ZNF219: variants seen among roughly 807,000 people sequenced by gnomAD.
The protein encoded by ZNF219 is zinc finger protein 219.
Under a neutral mutation model 54.4 loss-of-function variants are expected in ZNF219, and 17 were observed. The observed-to-expected ratio is 0.31, with a 90% CI of 0.21 to 0.47. The LOEUF is 0.47. Ranked by LOEUF, ZNF219 falls within the 20% of genes least tolerant of loss-of-function variation. The pLI, the probability that ZNF219 is intolerant of heterozygous loss-of-function variation, is 1.00. For missense variants in ZNF219, 1,014 were observed against 1,062.3 expected, an observed-to-expected ratio of 0.95 and a Z score of 0.63; for synonymous variants, 518 against 476.4, an observed-to-expected ratio of 1.09 and a Z score of -1.14.
chr14:21,101,863 A>G (rs1176180264), upstream of ZNF219: 2 of 1,551,242 alleles, frequency 1.3e-6, no homozygotes, highest in Non-Finnish European at 8.7e-7. Flanking sequence ...CCTTACCCCC[A>G]GGTGAGCCAG....
intron 1 of ZNF219, among the ~76,000 whole-genome samples, chr14:21,096,195 A>G (rs1284175975): frequency 1.3e-5 from 2 of 152,226 alleles, no homozygotes; most frequent in Non-Finnish European, 2.9e-5. Flanking sequence ...GAAGAGTCAG[A>G]AAAGGGCAAA....
At position 21,090,955 on chromosome 14, in the gene ZNF219, G is replaced by C. The variant is rs1888808805; in HGVS notation, c.1750C>G (p.Pro584Ala). Residue 584 changes from proline (P) to alanine (A), a missense_variant, in exon 5 of 5, where the codon CCT becomes GCT. Transcript: ENST00000360947. The surrounding 1 kb of genome is among the most constrained non-coding windows in gnomAD (Gnocchi z 4.4). ...PQSGAKPSPQ[P>A]ATWVEGASSP... ...GAGGCGCCCTCCACCCAGGTCGCAG[G>C]CTGCGGAGACGGCTTGGCTCCAGAT... The C allele has an allele frequency of 1.3e-6, 2 of 1,550,760 alleles. No homozygotes were observed. Among genetic ancestry groups the C allele is most frequent in the African/African-American group, 1.4e-5 (1 of 73,594 alleles).
chr14:21,091,668 G>C, intron 3 of ZNF219, 126 bp from the exon 4 acceptor site: 1 of 1,474,848 alleles, frequency 6.8e-7, no homozygotes. Flanking sequence ...AAGTCTGAGG[G>C]GTTAGATTTG....
Position 21,090,432 on chromosome 14 carries a change from ATG to A in ZNF219, c.*102_*103del. The A allele has an allele frequency of 1.4e-6, 2 of 1,425,150 alleles. No homozygotes were observed. The highest frequency in any genetic ancestry group is 9.4e-7 in the Non-Finnish European group (1 of 1,061,424). The allele number at this position is 1,425,150 out of a possible 1,614,324, so 88.3% of individuals were successfully genotyped here. Reference sequence around the variant, plus strand: ...CCTCTGGTCCGCCTGGGGCTGGGATATGGGTCCCACGCTGCCCCCTGCTGGCT... The same window carrying A: ...CCTCTGGTCCGCCTGGGGCTGGGATAGGTCCCACGCTGCCCCCTGCTGGCT... On this transcript the variant is annotated 3_prime_UTR_variant, in exon 5 of 5. Coordinates refer to ENST00000360947, the MANE Select transcript of ZNF219 (RefSeq NM_016423.3). The surrounding 1 kb of genome is among the most constrained non-coding windows in gnomAD (Gnocchi z 4.4).
At chr14:21,093,320 G>A (rs761970107) in intron 2 of ZNF219, 30 bp from the exon 3 acceptor site, 8 of 1,542,306 alleles carry the variant, frequency 5.2e-6, no homozygotes, top group East Asian at 4.5e-5. Flanking sequence ...TAGAGCAAAG[G>A]GTGAAGGTAG....
chr14:21,093,763 T>C, intron 1 of ZNF219, 89 bp from the exon 2 acceptor site: 1 of 1,252,354 alleles, frequency 8.0e-7, no homozygotes, highest in Admixed American at 2.0e-5. Context: ...CAGCATTCTG[T>C]ATTCCCAAAA....
intron 4 of ZNF219, 32 bp from the exon 5 acceptor site, chr14:21,091,172 G>T (rs771265004): frequency 6.3e-7 from 1 of 1,585,470 alleles, no homozygotes. Flanking sequence ...GGGTCACGGG[G>T]TCACGATGAC....
chr14:21,099,815 C>T (rs995976584), upstream of ZNF219, among the ~76,000 whole-genome samples: 3 of 152,146 alleles, frequency 2.0e-5, no homozygotes, highest in African/African-American at 7.2e-5. Flanking sequence ...CCAAGGGCAC[C>T]TAGGTAGATC....
At chr14:21,102,367 C>T (rs1459140074), upstream of ZNF219, 4 of 1,548,794 alleles carry the variant, frequency 2.6e-6, no homozygotes, top group East Asian at 9.8e-5. Context: ...TGGAATGACT[C>T]CCCTAGGCTG....
intron 3 of ZNF219, 32 bp from the exon 4 acceptor site, chr14:21,091,574 G>A: frequency 6.3e-7 from 1 of 1,580,946 alleles, no homozygotes; most frequent in South Asian, 1.1e-5. Flanking sequence ...GAAGTCAGGG[G>A]GGCCCACACC....
Position 21,091,180 on chromosome 14 carries a change from G to C in ZNF219, c.1565-40C>G, listed in dbSNP as rs369088892. On this transcript the variant is annotated intron_variant, in intron 4 of 4. Transcript: ENST00000360947. ...TGCGATAGGGTCACGGGGTCACGAT[G>C]ACTGCACGCACCCACCCGAATTTCG... 2.2e-5 allele frequency: 35 copies of C among 1,579,372 alleles called. No individual in the cohort carries two copies. In the African/African-American group the frequency reaches 4.5e-4, roughly 20 times the overall value.
upstream of ZNF219, chr14:21,102,981 G>A: frequency 7.3e-7 from 1 of 1,370,744 alleles, no homozygotes; most frequent in Non-Finnish European, 9.9e-7. Context: ...CCAAATGATT[G>A]AGGTTAAAAG....
intron 1 of ZNF219, 50 bp from the exon 2 acceptor site, chr14:21,093,724 A>G (rs775931238): frequency 6.5e-7 from 1 of 1,536,452 alleles, no homozygotes; most frequent in Non-Finnish European, 9.0e-7. Flanking sequence ...AGTTTTCAGC[A>G]GTAAAGTCAC....
In ZNF219 at chr14:21,090,500, G is replaced by A. The variant is rs1433683542; in HGVS notation, c.*36C>T. 2 of 1,552,502 alleles carry A rather than the reference G, an allele frequency of 1.3e-6. No homozygotes were observed. The highest frequency in any genetic ancestry group is 1.4e-5 in the African/African-American group (1 of 73,234). ...CTCTAGCGCTCCCCCGCTCCGGCGG[G>A]GTAAGCTCACTAAGCTAATCGCCCC... On this transcript the variant is annotated 3_prime_UTR_variant, in exon 5 of 5. Transcript: ENST00000360947. The surrounding 1 kb of genome is among the most constrained non-coding windows in gnomAD (Gnocchi z 4.4).
upstream of ZNF219, chr14:21,098,657 G>C (rs920868824): frequency 2.9e-6 from 3 of 1,029,300 alleles, no homozygotes; most frequent in Non-Finnish European, 1.2e-6. Flanking sequence ...TTTGGAGACG[G>C]GGGGCGCTGT....
In ZNF219 at chr14:21,090,408, C is replaced by A; in HGVS notation, c.*128G>T. Reference sequence around the variant, plus strand: ...CTCCTACGCCCGCCGCGCCTTCCACCTCTGGTCCGCCTGGGGCTGGGATAT... The same window carrying A: ...CTCCTACGCCCGCCGCGCCTTCCACATCTGGTCCGCCTGGGGCTGGGATAT... On this transcript the variant is annotated 3_prime_UTR_variant, in exon 5 of 5. Coordinates refer to ENST00000360947, the MANE Select transcript of ZNF219 (RefSeq NM_016423.3). The surrounding 1 kb of genome is among the most constrained non-coding windows in gnomAD (Gnocchi z 4.4). The A allele has an allele frequency of 7.5e-7, 1 of 1,333,964 alleles. No homozygotes were observed. The highest frequency in any genetic ancestry group is 1.0e-6 in the Non-Finnish European group (1 of 986,964). The allele number at this position is 1,333,964 out of a possible 1,614,324, so 82.6% of individuals were successfully genotyped here.
rs1367535839 is a variant in ZNF219, at chr14:21,091,919, G to A, written c.1378C>T (p.Pro460Ser). The A allele has an allele frequency of 1.2e-6, 2 of 1,601,256 alleles. No homozygotes were observed. The highest frequency in any genetic ancestry group is 1.3e-5 in the African/African-American group (1 of 74,700). ...ASLHPRPGEG[P>S]GHSASAAGAQ... ...CCAGCAGCAGAGGCAGAGTGCCCCG[G>A]TCCCTCACCCGGGCGCGGGTGCAGG... The change falls in exon 3 of 5, where the codon CCG (proline) becomes TCG (serine). Residue 460 changes from proline to serine, a missense_variant. By Grantham distance (74) the Pro-to-Ser change is moderately conservative. This residue lies in a region of ZNF219 where 272 missense variants were observed against 248.9 expected (regional missense o/e 1.09). Transcript: ENST00000360947.
At chr14:21,097,121 T>C (rs1439015993) in intron 1 of ZNF219, among the ~76,000 whole-genome samples, 1 of 152,248 alleles carries the variant, frequency 6.6e-6, no homozygotes. Context: ...TTCACTTTTA[T>C]GGTCTCCTCT....
At position 21,090,246 on chromosome 14, in the gene ZNF219, A is replaced by G; in HGVS notation, c.*290T>C. 1 of 660,088 alleles carries G rather than the reference A, an allele frequency of 1.5e-6. No individual in the cohort carries two copies. The highest frequency in any genetic ancestry group is 1.8e-5 in the African/African-American group (1 of 56,470). 40.9% of individuals were successfully genotyped at this position (660,088 alleles called of 1,614,324 possible). A position where few individuals can be genotyped will look rare whatever the true frequency, so the allele number is the denominator to read the frequency against. ...TAAACTCTCACGCCTATGGACCAGC[A>G]AAGACTGGCAGAGTGGCTCCTCAAC... On this transcript the variant is annotated 3_prime_UTR_variant, in exon 5 of 5. Transcript: ENST00000360947. The surrounding 1 kb of genome is among the most constrained non-coding windows in gnomAD (Gnocchi z 4.4).
Sources: gnomAD v4.1 joint callset for allele counts (sites outside exome capture counted in the v4.1 genomes callset) on GRCh38, gnomAD v4.1.1 for gene constraint, gnomAD v4.1.1 regional missense constraint, Gnocchi (gnomAD v3.1) non-coding constraint, MANE v1.5 for transcripts, NCBI Gene and HGNC (gene_info 2026-07-23, HGNC 2026-07-21) for gene names.